MYO10: variants seen among roughly 807,000 people sequenced by gnomAD.
MYO10 encodes the protein unconventional myosin-X.
Under a neutral mutation model 257.3 loss-of-function variants are expected in MYO10, and 133 were observed. The observed-to-expected ratio is 0.52, with a 90% CI of 0.45 to 0.60. The LOEUF is 0.60. Ranked by LOEUF, MYO10 falls within the 20% of genes least tolerant of loss-of-function variation. The pLI is 0.00. For synonymous variants in MYO10, 1,104 were observed against 1,028.6 expected, an observed-to-expected ratio of 1.07 and a Z score of -1.40; for missense variants, 2,399 against 2,635.7, an observed-to-expected ratio of 0.91 and a Z score of 1.97.
intron 21 of MYO10, among the ~76,000 whole-genome samples, chr5:16,706,113 G>A (rs953344605): frequency 1.3e-5 from 2 of 152,052 alleles, no homozygotes; most frequent in African/African-American, 2.4e-5. Context: ...AACCTGGGAG[G>A]CAGAGGTTGC....
chr5:16,667,875 C>A (rs530272490), intron 40 of MYO10, among the ~76,000 whole-genome samples: 1 of 152,202 alleles, frequency 6.6e-6, no homozygotes, highest in South Asian at 2.1e-4. Flanking sequence ...GGTCATGCTC[C>A]CGGCTCCCTC....
Position 16,816,487 on chromosome 5 carries a change from A to T in MYO10, c.279+1522T>A, listed in dbSNP as rs146654933. On this transcript the variant is annotated intron_variant, in intron 3 of 40. Transcript: ENST00000513610. Reference sequence around the variant, plus strand: ...AATTGGAAGAACCTGAATATTAAGCATGCCTTGAGTTTCAATTAGCACCTA... The same window carrying T: ...AATTGGAAGAACCTGAATATTAAGCTTGCCTTGAGTTTCAATTAGCACCTA... Among the ~76,000 whole-genome samples the T allele has an allele frequency of 2.3e-3, 341 of 151,474 alleles. 1 individual carries two copies. The highest frequency in any genetic ancestry group is 7.9e-3 in the African/African-American group (328 of 41,312).
chr5:16,757,874 C>T (rs868451578), intron 18 of MYO10, among the ~76,000 whole-genome samples: 8 of 152,142 alleles, frequency 5.3e-5, no homozygotes, highest in Admixed American at 2.6e-4. Context: ...CATGTTGCCC[C>T]GGCTGGTTTT....
At position 16,764,233 on chromosome 5, in the gene MYO10, A is replaced by C. The variant is rs368841101; in HGVS notation, c.1326+17T>G. On this transcript the variant is annotated intron_variant, in intron 12 of 40. Coordinates refer to ENST00000513610, the MANE Select transcript of MYO10 (RefSeq NM_012334.3). ...GGACAGAAGAGAATTCACGTGCTGC[A>C]CTGTTAGGAAACCTACCTCAAAGTT... 1.1e-4 allele frequency: 172 copies of C among 1,613,452 alleles called. No homozygotes were observed. Among genetic ancestry groups the C allele is most frequent in the Non-Finnish European group, 1.5e-4 (172 of 1,179,666 alleles).
intron 21 of MYO10, among the ~76,000 whole-genome samples, chr5:16,705,383 G>C (rs759812562): frequency 6.6e-6 from 1 of 152,166 alleles, no homozygotes; most frequent in Non-Finnish European, 1.5e-5. Flanking sequence ...GAATGGACAC[G>C]TCCATCCTCT....
At chr5:16,910,546 G>A (rs1029652609) in intron 1 of MYO10, among the ~76,000 whole-genome samples, 1 of 152,144 alleles carries the variant, frequency 6.6e-6, no homozygotes, top group Non-Finnish European at 1.5e-5. Context: ...ACACTAAAGG[G>A]GCTCTCAGAT....
intron 1 of MYO10, among the ~76,000 whole-genome samples, chr5:16,915,864 C>T (rs1433666500): frequency 1.3e-5 from 2 of 151,536 alleles, no homozygotes; most frequent in Non-Finnish European, 2.9e-5. Flanking sequence ...GGCTGAGGCA[C>T]GAGAATTGCT....
chr5:16,785,438 G>A (rs1741549793), intron 4 of MYO10, among the ~76,000 whole-genome samples: 1 of 152,258 alleles, frequency 6.6e-6, no homozygotes, highest in Admixed American at 6.5e-5. Flanking sequence ...TGGTGGCTGA[G>A]TTATTAAAAC....
At chr5:16,851,620 G>A (rs1743803348) in intron 2 of MYO10, among the ~76,000 whole-genome samples, 1 of 152,190 alleles carries the variant, frequency 6.6e-6, no homozygotes, top group African/African-American at 2.4e-5. Context: ...TTTTGAGGAT[G>A]AAGGATGTGA....
At chr5:16,747,918 C>CAAAAAAAAA (rs777257950) in intron 19 of MYO10, among the ~76,000 whole-genome samples, 4 of 30,536 alleles carry the variant, frequency 1.3e-4, no homozygotes, top group Non-Finnish European at 4.8e-4. Context: ...AACTCCGTCT[C>CAAAAAAAAA]AAAAAAAAAA....
chr5:16,689,729 AAGGCC>A (rs1204532563), intron 28 of MYO10, 90 bp downstream of exon 28: 1 of 994,582 alleles, frequency 1.0e-6, no homozygotes, highest in Non-Finnish European at 1.5e-6. Flanking sequence ...AAAATTTTTC[AAGGCC>A]AGTACAGTAA....
chr5:16,822,698 T>A (rs1364012624), intron 2 of MYO10, among the ~76,000 whole-genome samples: 24 of 150,990 alleles, frequency 1.6e-4, no homozygotes, highest in Non-Finnish European at 2.8e-4. Context: ...TTATTTTTTT[T>A]TTTTTTTGAG....
In MYO10 at chr5:16,666,460, AAG is replaced by A. The variant is rs1419439236; in HGVS notation, c.*230_*231del. 1 of 450,408 alleles carries A rather than the reference AAG, an allele frequency of 2.2e-6. No individual in the cohort carries two copies. The highest frequency in any genetic ancestry group is 3.9e-5 in the Admixed American group (1 of 25,330). 27.9% of individuals were successfully genotyped at this position (450,408 alleles called of 1,614,324 possible). On this transcript the variant is annotated 3_prime_UTR_variant, in exon 41 of 41. Coordinates refer to ENST00000513610, the MANE Select transcript of MYO10 (RefSeq NM_012334.3). ...TCCTTTTTTAAGGCATGTGTCCTCT[AAG>A]AGTAGTAAAGCTTTGGAAACTGTGC...
At position 16,689,930 on chromosome 5, in the gene MYO10, G is replaced by C; in HGVS notation, c.3801-11C>G. ...TTATCTATGATCTCTCTGCAAAGAA[G>C]CAAAAGCAACAAACGCACATCAGGA... On this transcript the variant is annotated splice_polypyrimidine_tract_variant and intron_variant, in intron 27 of 40. Coordinates refer to ENST00000513610, the MANE Select transcript of MYO10 (RefSeq NM_012334.3). The C allele has an allele frequency of 1.3e-6, 2 of 1,594,264 alleles. No individual in the cohort carries two copies.
rs192116258 is a variant in MYO10 at position 16,704,223 on chromosome 5, T to C, written c.2276+356A>G. Among the ~76,000 whole-genome samples, 352 of 151,626 alleles carry C rather than the reference T, an allele frequency of 2.3e-3. 1 individual carries two copies. The highest frequency in any genetic ancestry group is 4.0e-3 in the Non-Finnish European group (269 of 67,902). ...GTCTGTAGTCCCAACTACTTGGGAGTCTGAGGTGAGAGAATTGCTTGAGCC... is the reference window on the plus strand; with the variant it reads ...GTCTGTAGTCCCAACTACTTGGGAGCCTGAGGTGAGAGAATTGCTTGAGCC... On this transcript the variant is annotated intron_variant, in intron 22 of 40. Transcript: ENST00000513610.
At chr5:16,716,074 T>G (rs1473297940) in intron 19 of MYO10, among the ~76,000 whole-genome samples, 1 of 131,028 alleles carries the variant, frequency 7.6e-6, no homozygotes, top group Admixed American at 7.8e-5. Context: ...AAAAAGTACA[T>G]TAAGTACCAG....
At chr5:16,848,402 C>G (rs184743413) in intron 2 of MYO10, among the ~76,000 whole-genome samples, 1 of 151,982 alleles carries the variant, frequency 6.6e-6, no homozygotes, top group Non-Finnish European at 1.5e-5. Context: ...TGAGGTGATC[C>G]GCCTGCTTCG....
At chr5:16,817,976 G>T in intron 3 of MYO10, 33 bp downstream of exon 3, 1 of 1,444,220 alleles carries the variant, frequency 6.9e-7, no homozygotes, top group Middle Eastern at 2.0e-4. Context: ...CAAACGTGAG[G>T]ATCTTTTTAA....
intron 2 of MYO10, among the ~76,000 whole-genome samples, chr5:16,826,149 C>T (rs894787025): frequency 6.7e-6 from 1 of 150,262 alleles, no homozygotes; most frequent in Non-Finnish European, 1.5e-5. Context: ...GACTCAGTCT[C>T]GAAAAACAAA....
Sources: gnomAD v4.1 joint callset for allele counts (sites outside exome capture counted in the v4.1 genomes callset) on GRCh38, gnomAD v4.1.1 for gene constraint, MANE v1.5 for transcripts, NCBI Gene and HGNC (gene_info 2026-07-23, HGNC 2026-07-21) for gene names.